The following ADCY8 variants were observed in gnomAD, a reference collection of about 807,000 sequenced individuals.
ADCY8 encodes adenylate cyclase type 8.
A neutral mutation model predicts 119.7 loss-of-function variants in ADCY8; 51 were observed. That is an observed-to-expected ratio of 0.43 (90% CI 0.34 to 0.54). The LOEUF (loss-of-function observed/expected upper bound fraction) is 0.54. Ranked by LOEUF, ADCY8 falls within the 20% of genes least tolerant of loss-of-function variation. The probability of loss-of-function intolerance (pLI) is 0.03; values close to 1 mark genes in which losing one functional copy is unlikely to be tolerated. For synonymous variants in ADCY8, 665 were observed against 651.0 expected, an observed-to-expected ratio of 1.02 and a Z score of -0.33; for missense variants, 1,383 against 1,598.8, an observed-to-expected ratio of 0.87 and a Z score of 2.30.
chr8:130,928,887 A>T (rs1217240302), intron 5 of ADCY8, among the ~76,000 whole-genome samples: 1 of 152,108 alleles, frequency 6.6e-6, no homozygotes, highest in East Asian at 1.9e-4. Context: ...TTAAATTTTG[A>T]TAGAATTCAC....
At chr8:130,977,151 G>A (rs796727432) in intron 2 of ADCY8, among the ~76,000 whole-genome samples, 59 of 152,252 alleles carry the variant, frequency 3.9e-4, no homozygotes, top group African/African-American at 1.3e-3. Context: ...TGCCCGGGTC[G>A]GGTGTGAGCG....
chr8:130,806,060 G>C (rs1376179561), intron 14 of ADCY8, among the ~76,000 whole-genome samples: 1 of 152,216 alleles, frequency 6.6e-6, no homozygotes, highest in East Asian at 1.9e-4. Context: ...CGGTGTTAGA[G>C]GGATTTCCTC....
chr8:130,948,016 G>C (rs572517841), intron 3 of ADCY8, among the ~76,000 whole-genome samples: 1 of 152,214 alleles, frequency 6.6e-6, no homozygotes, highest in South Asian at 2.1e-4. Flanking sequence ...TCATTTTCTG[G>C]TTAAGGTGGA....
At chr8:130,829,618 G>A (rs1816769645) in intron 12 of ADCY8, among the ~76,000 whole-genome samples, 1 of 152,204 alleles carries the variant, frequency 6.6e-6, no homozygotes, top group African/African-American at 2.4e-5. Flanking sequence ...GGATTATAAG[G>A]AAGGTAAATA....
intron 9 of ADCY8, among the ~76,000 whole-genome samples, chr8:130,854,966 A>G (rs1388526227): frequency 1.5e-5 from 2 of 129,060 alleles, no homozygotes; most frequent in East Asian, 4.6e-4. Flanking sequence ...TCTCTTTCTC[A>G]TCATCACATG....
intron 14 of ADCY8, among the ~76,000 whole-genome samples, chr8:130,808,732 C>T (rs775565891): frequency 6.6e-6 from 1 of 152,162 alleles, no homozygotes; most frequent in African/African-American, 2.4e-5. Flanking sequence ...CCCAATTCAG[C>T]AAGGTCGGTA....
intron 1 of ADCY8, among the ~76,000 whole-genome samples, chr8:131,015,801 C>T (rs55678122): frequency 7.2e-5 from 11 of 152,230 alleles, no homozygotes; most frequent in East Asian, 5.8e-4. Flanking sequence ...AACTTCTCTA[C>T]GCACATAGCT....
chr8:130,949,244 A>G (rs1821202377), intron 3 of ADCY8, among the ~76,000 whole-genome samples: 1 of 152,094 alleles, frequency 6.6e-6, no homozygotes, highest in Admixed American at 6.5e-5. Context: ...GAGCCGCCGA[A>G]CATGCTGTTT....
chr8:130,792,028 A>AT, intron 15 of ADCY8, among the ~76,000 whole-genome samples: 2 of 151,608 alleles, frequency 1.3e-5, no homozygotes, highest in South Asian at 4.2e-4. Flanking sequence ...CCTCCTCCCC[A>AT]TTTTTTCCTA....
At chr8:130,856,240 C>T (rs1817728149) in intron 9 of ADCY8, among the ~76,000 whole-genome samples, 1 of 152,080 alleles carries the variant, frequency 6.6e-6, no homozygotes, top group Admixed American at 6.5e-5. Flanking sequence ...CAATAGTCAT[C>T]ACCCCATATG....
chr8:131,038,807 A>T (rs1164040277), intron 1 of ADCY8, among the ~76,000 whole-genome samples: 1 of 152,160 alleles, frequency 6.6e-6, no homozygotes, highest in Non-Finnish European at 1.5e-5. Flanking sequence ...TCCCGAGAAA[A>T]CCATGTGTCA....
intron 5 of ADCY8, among the ~76,000 whole-genome samples, chr8:130,912,545 TAAAG>T (rs960235951): frequency 5.9e-5 from 9 of 152,074 alleles, no homozygotes; most frequent in Admixed American, 1.3e-4. Context: ...AAAAAATAAA[TAAAG>T]AATGAATGAA....
chr8:130,990,749 A>C, intron 1 of ADCY8: 1 of 509,992 alleles, frequency 2.0e-6, no homozygotes, highest in East Asian at 3.6e-5. Context: ...CACTTTCTCC[A>C]ATTTAAGGCT....
chr8:130,948,003 A>G (rs1231607729), intron 3 of ADCY8, among the ~76,000 whole-genome samples: 1 of 152,172 alleles, frequency 6.6e-6, no homozygotes, highest in African/African-American at 2.4e-5. Flanking sequence ...GAAATGACAT[A>G]CGTCATTTTC....
chr8:131,034,750 C>T (rs994688665), intron 1 of ADCY8, among the ~76,000 whole-genome samples: 2 of 152,138 alleles, frequency 1.3e-5, no homozygotes, highest in Admixed American at 6.5e-5. Flanking sequence ...CACCAAGAGG[C>T]ACAGAAAACT....
chr8:130,904,464 A>T (rs777974551), intron 6 of ADCY8, among the ~76,000 whole-genome samples: 5 of 152,158 alleles, frequency 3.3e-5, no homozygotes, highest in Admixed American at 6.5e-5. Context: ...ATGCAAAAAC[A>T]GTTCTTTCTT....
chr8:130,980,493 A>G (rs1822207497), intron 2 of ADCY8, among the ~76,000 whole-genome samples: 1 of 152,216 alleles, frequency 6.6e-6, no homozygotes. Flanking sequence ...AACGTTGGAA[A>G]AAAATGTGGA....
At chr8:130,821,517 AAC>A (rs1816508420) in intron 12 of ADCY8, 97 bp from the exon 13 acceptor site, 3 of 857,996 alleles carry the variant, frequency 3.5e-6, no homozygotes, top group East Asian at 2.7e-5. Flanking sequence ...AAAAGAAAAA[AAC>A]ACACATCTTT....
intron 5 of ADCY8, among the ~76,000 whole-genome samples, chr8:130,917,760 AGTTT>A (rs1255245742): frequency 7.6e-6 from 1 of 131,682 alleles, no homozygotes; most frequent in Non-Finnish European, 1.5e-5. Flanking sequence ...AGGCACAGGG[AGTTT>A]GTGTGTGTGT....
Sources: gnomAD v4.1 joint callset for allele counts (sites outside exome capture counted in the v4.1 genomes callset) on GRCh38, gnomAD v4.1.1 for gene constraint, MANE v1.5 for transcripts, NCBI Gene and HGNC (gene_info 2026-07-23, HGNC 2026-07-21) for gene names.